Variants in HACE1 observed in about 807,000 individuals in gnomAD.
HACE1 encodes the protein E3 ubiquitin-protein ligase HACE1.
A neutral mutation model predicts 118.4 loss-of-function variants in HACE1; 73 were observed. The observed-to-expected ratio is 0.62, with a 90% CI of 0.51 to 0.75. The LOEUF (loss-of-function observed/expected upper bound fraction) is 0.75, where lower values mean the gene tolerates loss of function less well. Ranked by LOEUF, HACE1 falls within the 30% of genes least tolerant of loss-of-function variation. The pLI, the probability that HACE1 is intolerant of heterozygous loss-of-function variation, is 0.00. For missense variants in HACE1, 749 were observed against 1,102.2 expected (o/e 0.68, Z 4.54); for synonymous variants, 368 against 374.8 (o/e 0.98, Z 0.21).
intron 19 of HACE1, among the ~76,000 whole-genome samples, chr6:104,770,017 A>G (rs555411847): frequency 1.3e-5 from 2 of 152,302 alleles, no homozygotes; most frequent in East Asian, 1.9e-4. Context: ...GCTAATAACA[A>G]TTCTGTATGG....
At chr6:104,746,033 A>C (rs2114526607) in intron 20 of HACE1, among the ~76,000 whole-genome samples, 1 of 152,348 alleles carries the variant, frequency 6.6e-6, no homozygotes, top group South Asian at 2.1e-4. Flanking sequence ...ACTAAGCTAG[A>C]CATTAAAGAA....
chr6:104,807,929 G>A (rs1250280268), intron 7 of HACE1, among the ~76,000 whole-genome samples: 2 of 152,182 alleles, frequency 1.3e-5, no homozygotes, highest in South Asian at 2.1e-4. Flanking sequence ...GCTCACGTCT[G>A]TAATCCCAGC....
intron 17 of HACE1, among the ~76,000 whole-genome samples, chr6:104,772,414 C>G (rs558673818): frequency 2.6e-5 from 4 of 152,330 alleles, no homozygotes. Context: ...CACACACACA[C>G]ACGCACATAT....
chr6:104,802,575 C>G (rs1770501642), intron 7 of HACE1, among the ~76,000 whole-genome samples: 1 of 152,216 alleles, frequency 6.6e-6, no homozygotes, highest in Admixed American at 6.5e-5. Context: ...CAAGACTGCA[C>G]AACTACATGG....
intron 6 of HACE1, among the ~76,000 whole-genome samples, chr6:104,826,410 A>G (rs1773337254): frequency 1.3e-5 from 2 of 152,250 alleles, no homozygotes; most frequent in Admixed American, 1.3e-4. Flanking sequence ...AGTGCTATCC[A>G]GAAAAATAAA....
At chr6:104,750,529 T>C in intron 19 of HACE1, 57 bp from the exon 20 acceptor site, 1 of 1,433,708 alleles carries the variant, frequency 7.0e-7, no homozygotes, top group Non-Finnish European at 9.7e-7. Flanking sequence ...ATACTTAATG[T>C]TAATATAATT....
At chr6:104,755,449 C>A (rs1414252151) in intron 19 of HACE1, among the ~76,000 whole-genome samples, 1 of 152,188 alleles carries the variant, frequency 6.6e-6, no homozygotes, top group African/African-American at 2.4e-5. Context: ...ATCTACAGAA[C>A]TTCCCACCGA....
At chr6:104,832,288 ATGTT>A (rs1243199723) in intron 6 of HACE1, among the ~76,000 whole-genome samples, 2 of 152,246 alleles carry the variant, frequency 1.3e-5, no homozygotes, top group Admixed American at 6.5e-5. Context: ...AAAATTTAGT[ATGTT>A]TGGCTATTAA....
At chr6:104,810,614 T>A (rs552895350) in intron 7 of HACE1, among the ~76,000 whole-genome samples, 1 of 152,092 alleles carries the variant, frequency 6.6e-6, no homozygotes, top group Non-Finnish European at 1.5e-5. Flanking sequence ...TGTGACGGCA[T>A]GTGTATAATT....
chr6:104,833,193 C>T lies in HACE1; in HGVS notation c.403-20G>A, dbSNP rs559420249. On this transcript the variant is annotated intron_variant, in intron 5 of 23. Transcript: ENST00000262903. ...ATGTATCTGTGAAGCCATTTAGTTA[C>T]TTAACATTTGTGTAATAGTGTTTTA... 1.9e-6 allele frequency: 3 copies of T among 1,609,940 alleles called. No homozygotes were observed. Among genetic ancestry groups the T allele is most frequent in the Admixed American group, 1.7e-5 (1 of 60,012 alleles).
At chr6:104,782,100 A>G (rs1781804796) in intron 14 of HACE1, among the ~76,000 whole-genome samples, 1 of 152,264 alleles carries the variant, frequency 6.6e-6, no homozygotes, top group African/African-American at 2.4e-5. Flanking sequence ...GCACCAACCT[A>G]TATTAAAAAC....
intron 20 of HACE1, among the ~76,000 whole-genome samples, chr6:104,749,391 A>C (rs1229120235): frequency 6.6e-6 from 1 of 152,114 alleles, no homozygotes; most frequent in Non-Finnish European, 1.5e-5. Flanking sequence ...CTAAATCACA[A>C]TGGACTTCAA....
chr6:104,804,438 AGCATCAT>A (rs1482965501), intron 7 of HACE1, among the ~76,000 whole-genome samples: 1 of 152,148 alleles, frequency 6.6e-6, no homozygotes, highest in Non-Finnish European at 1.5e-5. Flanking sequence ...CAAAGCTGGC[AGCATCAT>A]GCTACCTGAC....
intron 7 of HACE1, among the ~76,000 whole-genome samples, chr6:104,803,618 T>A (rs1482262943): frequency 1.3e-5 from 2 of 152,144 alleles, no homozygotes; most frequent in Non-Finnish European, 2.9e-5. Flanking sequence ...AAAAACCACA[T>A]GATTATCTCA....
chr6:104,768,421 T>C (rs1371981553), intron 19 of HACE1, among the ~76,000 whole-genome samples: 3 of 152,126 alleles, frequency 2.0e-5, no homozygotes, highest in Non-Finnish European at 4.4e-5. Flanking sequence ...AAACAGGGTT[T>C]GAAAATTTTA....
At chr6:104,792,846 C>CCAAT (rs1294036297) in intron 10 of HACE1, among the ~76,000 whole-genome samples, 3 of 152,150 alleles carry the variant, frequency 2.0e-5, no homozygotes, top group Non-Finnish European at 4.4e-5. Flanking sequence ...AAGCAGCTGA[C>CCAAT]CAATCATTTG....
At chr6:104,840,300 T>C (rs990400971) in intron 5 of HACE1, among the ~76,000 whole-genome samples, 3 of 152,156 alleles carry the variant, frequency 2.0e-5, no homozygotes, top group African/African-American at 7.2e-5. Flanking sequence ...ATAGTTTTCG[T>C]GTACTCAAAA....
intron 10 of HACE1, among the ~76,000 whole-genome samples, chr6:104,794,926 G>T (rs563483847): frequency 2.0e-5 from 3 of 150,760 alleles, no homozygotes; most frequent in Non-Finnish European, 3.0e-5. Context: ...TTGTATATAT[G>T]TGTGTGTGTG....
intron 22 of HACE1, among the ~76,000 whole-genome samples, chr6:104,735,574 T>C (rs1436759062): frequency 6.6e-6 from 1 of 151,326 alleles, no homozygotes; most frequent in African/African-American, 2.4e-5. Context: ...CAGCTTACAG[T>C]GAGCCGAGAT....
Sources: gnomAD v4.1 joint callset for allele counts (sites outside exome capture counted in the v4.1 genomes callset) on GRCh38, gnomAD v4.1.1 for gene constraint, MANE v1.5 for transcripts, NCBI Gene and HGNC (gene_info 2026-07-23, HGNC 2026-07-21) for gene names.